The following NOTCH4 variants were observed in gnomAD, a reference collection of about 807,000 sequenced individuals.
The protein encoded by NOTCH4 is notch receptor 4.
NOTCH4 carries 138 observed loss-of-function variants against 189.0 expected under a neutral mutation model. That is an observed-to-expected ratio of 0.73 (90% CI 0.64 to 0.84). The LOEUF (loss-of-function observed/expected upper bound fraction) is 0.84, where lower values mean the gene tolerates loss of function less well. Ranked by LOEUF, NOTCH4 falls within the 40% of genes least tolerant of loss-of-function variation. The pLI, the probability that NOTCH4 is intolerant of heterozygous loss-of-function variation, is 0.00. For missense variants in NOTCH4, 2,286 were observed against 2,605.4 expected (o/e 0.88, Z 2.67); for synonymous variants, 942 against 1,032.8 (o/e 0.91, Z 1.69).
Position 32,195,941 on chromosome 6 carries a change from C to G in NOTCH4, c.5508G>C (p.Glu1836Asp). The change falls in exon 30 of 30, where the codon GAG becomes GAC. Residue 1836 changes from glutamate to aspartate, a missense_variant. This residue lies in a region of NOTCH4 where 383 missense variants were observed against 343.5 expected (regional missense o/e 1.11). Coordinates refer to ENST00000375023, the MANE Select transcript of NOTCH4 (RefSeq NM_004557.4). This position sits in a 1 kb window ranked among gnomAD's most constrained non-coding sequence, Gnocchi z 5.4. Reference sequence around the variant, plus strand: ...TCCGTGCGCGCGGGAAGGGCCCAGCCTCGCGGCCCGGCGTGGCTTTGTGAC... The same window carrying G: ...TCCGTGCGCGCGGGAAGGGCCCAGCGTCGCGGCCCGGCGTGGCTTTGTGAC... ...EARHKATPGR[E>D]AGPFPRARTV... The G allele has an allele frequency of 6.3e-7, 1 of 1,591,306 alleles. No individual in the cohort carries two copies. The highest frequency in any genetic ancestry group is 8.5e-7 in the Non-Finnish European group (1 of 1,175,972).
At chr6:32,206,897 C>T (rs1309146904) in intron 18 of NOTCH4, among the ~76,000 whole-genome samples, 2 of 151,680 alleles carry the variant, frequency 1.3e-5, no homozygotes, top group Non-Finnish European at 2.9e-5. Flanking sequence ...CAAGTCCAAA[C>T]ATTTAACAGC....
Position 32,195,356 on chromosome 6 carries a change from C to T in NOTCH4, c.*81G>A, listed in dbSNP as rs933402448. The stretch of plus-strand genomic sequence containing the variant: ...CTCACAACCCTTCATTTTGGGGGAT[C>T]CATCTTAAAACCAGGAAGGCCTTCC... On this transcript the variant is annotated 3_prime_UTR_variant, in exon 30 of 30. Coordinates refer to ENST00000375023, the MANE Select transcript of NOTCH4 (RefSeq NM_004557.4). The surrounding 1 kb of genome is among the most constrained non-coding windows in gnomAD (Gnocchi z 5.4). 3.1e-5 allele frequency: 41 copies of T among 1,331,064 alleles called. No individual in the cohort carries two copies. Among genetic ancestry groups the T allele is most frequent in the South Asian group, 2.4e-4 (17 of 70,816 alleles). The allele number at this position is 1,331,064 out of a possible 1,614,324, so 82.5% of individuals were successfully genotyped here. A position where few individuals can be genotyped will look rare whatever the true frequency, so the allele number is the denominator to read the frequency against.
intron 18 of NOTCH4, among the ~76,000 whole-genome samples, chr6:32,207,852 A>G (rs1443538768): frequency 6.6e-6 from 1 of 151,684 alleles, no homozygotes; most frequent in Non-Finnish European, 1.5e-5. Flanking sequence ...AAATACAAAA[A>G]AATAGCTGGG....
chr6:32,210,885 C>T lies in NOTCH4; in HGVS notation c.2732G>A (p.Gly911Asp). 6.2e-7 allele frequency: 1 copy of T among 1,611,842 alleles called. No homozygotes were observed. Among genetic ancestry groups the T allele is most frequent in the Non-Finnish European group, 8.5e-7 (1 of 1,179,362 alleles). Residue 911 changes from glycine to aspartate, a missense_variant, in exon 18 of 30, where the codon GGC becomes GAC. This residue lies in a region of NOTCH4 where 1,903 missense variants were observed against 2,261.9 expected (regional missense o/e 0.84). Transcript: ENST00000375023. This position sits in a 1 kb window ranked among gnomAD's most constrained non-coding sequence, Gnocchi z 4.8. ...GGGGCAGTGGCAGAAATAGGAGGGGCCGCTGTCGACACAGAGGCCTCCATT... is the reference window on the plus strand; with the variant it reads ...GGGGCAGTGGCAGAAATAGGAGGGGTCGCTGTCGACACAGAGGCCTCCATT... ...CHNGGLCVDS[G>D]PSYFCHCPPG...
chr6:32,202,058 A>C lies in NOTCH4; in HGVS notation c.3755+18T>G. On this transcript the variant is annotated intron_variant, in intron 21 of 29. Transcript: ENST00000375023. The surrounding 1 kb of genome is among the most constrained non-coding windows in gnomAD (Gnocchi z 5.7). ...CCCACCCCTCTCCTTCCCTGGCTCC[A>C]GTGGATTTCAGGCTCACGTGCAGGC... 1 of 1,419,034 alleles carries C rather than the reference A, an allele frequency of 7.0e-7. No individual in the cohort carries two copies. The highest frequency in any genetic ancestry group is 9.3e-7 in the Non-Finnish European group (1 of 1,076,560). 87.9% of individuals were successfully genotyped at this position (1,419,034 alleles called of 1,614,324 possible).
rs1789731964 is a variant in NOTCH4 at position 32,220,970 on chromosome 6, G to T, written c.799+8C>A. The T allele has an allele frequency of 1.9e-6, 3 of 1,596,640 alleles. No homozygotes were observed. Among genetic ancestry groups the T allele is most frequent in the Admixed American group, 1.7e-5 (1 of 58,680 alleles). ...AGGGGCGGCCGGAGAGCCCCTGTGA[G>T]GACACACCTGGGGGACAGAGGCAGA... On this transcript the variant is annotated splice_region_variant and intron_variant, in intron 4 of 29. Transcript: ENST00000375023.
intron 14 of NOTCH4, 87 bp downstream of exon 14, chr6:32,213,601 A>C (rs1789169545): frequency 1.3e-6 from 2 of 1,486,840 alleles, no homozygotes; most frequent in Admixed American, 4.2e-5. Context: ...TGTTCAATTA[A>C]ATTTTAAAAA....
chr6:32,211,097 A>G (rs1788988107), intron 17 of NOTCH4, among the ~76,000 whole-genome samples, 161 bp from the exon 18 acceptor site: 1 of 151,940 alleles, frequency 6.6e-6, no homozygotes, highest in Non-Finnish European at 1.5e-5. Flanking sequence ...CGTCTCTACT[A>G]AAAATACAAA....
chr6:32,217,953 G>A lies in NOTCH4; in HGVS notation c.1624+42C>T. The stretch of plus-strand genomic sequence containing the variant: ...TGAGCCTGAACTCTGCAGGTTCAGA[G>A]GCCTGGGGTCTGAGGGTGGCCAGAG... On this transcript the variant is annotated intron_variant, in intron 9 of 29. Transcript: ENST00000375023. This position sits in a 1 kb window ranked among gnomAD's most constrained non-coding sequence, Gnocchi z 4.2. 1 of 1,328,708 alleles carries A rather than the reference G, an allele frequency of 7.5e-7. No individual in the cohort carries two copies. The highest frequency in any genetic ancestry group is 1.1e-6 in the Non-Finnish European group (1 of 925,094). The allele number at this position is 1,328,708 out of a possible 1,614,324, so 82.3% of individuals were successfully genotyped here.
intron 18 of NOTCH4, among the ~76,000 whole-genome samples, chr6:32,209,563 C>T (rs1237428426): frequency 6.6e-6 from 1 of 152,136 alleles, no homozygotes; most frequent in African/African-American, 2.4e-5. Context: ...CTGATTTGAT[C>T]ATGATACATT....
chr6:32,222,963 C>T (rs563858930), intron 2 of NOTCH4, 42 bp downstream of exon 2: 2 of 1,579,520 alleles, frequency 1.3e-6, no homozygotes, highest in African/African-American at 1.3e-5. Flanking sequence ...GCTCTCCCTC[C>T]CCCTTTCTCT....
chr6:32,196,833 A>C, intron 28 of NOTCH4, 92 bp downstream of exon 28: 1 of 1,445,296 alleles, frequency 6.9e-7, no homozygotes, highest in Non-Finnish European at 9.6e-7. Flanking sequence ...ATGAGAGGGA[A>C]TGCCCCTCTG....
rs1788205768 is a variant in NOTCH4, at chr6:32,199,538, A to G, written c.4316-393T>C. ...GCTAACATGGTGAAACCCTGTCTCTACTAAAAATACAAAAAATTAGCCAGG... is the reference window on the plus strand; with the variant it reads ...GCTAACATGGTGAAACCCTGTCTCTGCTAAAAATACAAAAAATTAGCCAGG... On this transcript the variant is annotated intron_variant, in intron 23 of 29. Coordinates refer to ENST00000375023, the MANE Select transcript of NOTCH4 (RefSeq NM_004557.4). This position sits in a 1 kb window ranked among gnomAD's most constrained non-coding sequence, Gnocchi z 4.9. 6.6e-6 allele frequency among the ~76,000 whole-genome samples: 1 copy of G among 152,178 alleles called. No individual in the cohort carries two copies. The highest frequency in any genetic ancestry group is 6.5e-5 in the Admixed American group (1 of 15,292).
At chr6:32,223,698 G>T (rs1448448209) in intron 1 of NOTCH4, among the ~76,000 whole-genome samples, 158 bp downstream of exon 1, 1 of 152,068 alleles carries the variant, frequency 6.6e-6, no homozygotes, top group Non-Finnish European at 1.5e-5. Context: ...TCCATGGGCA[G>T]AGCCGTCTTT....
At chr6:32,203,929 G>T in intron 19 of NOTCH4, 47 bp from the exon 20 acceptor site, 1 of 1,502,406 alleles carries the variant, frequency 6.7e-7, no homozygotes, top group Non-Finnish European at 9.1e-7. Context: ...ATCAGTCACT[G>T]CCTCCATCCT....
rs1278493909 is a variant in NOTCH4 at position 32,210,316 on chromosome 6, GAGGC to G, written c.2865+432_2865+435del. On this transcript the variant is annotated intron_variant, in intron 18 of 29. Coordinates refer to ENST00000375023, the MANE Select transcript of NOTCH4 (RefSeq NM_004557.4). The surrounding 1 kb of genome is among the most constrained non-coding windows in gnomAD (Gnocchi z 4.8). ...TGGGATGGGGAGAGCTGAGGCCTGA[GAGGC>G]AGGCAGGGCTGGGTCATGCAGGCCT... Among the ~76,000 whole-genome samples, 1 of 152,204 alleles carries G rather than the reference GAGGC, an allele frequency of 6.6e-6. No homozygotes were observed. Among genetic ancestry groups the G allele is most frequent in the Non-Finnish European group, 1.5e-5 (1 of 68,040 alleles).
chr6:32,200,906 C>T lies in NOTCH4; in HGVS notation c.4240G>A (p.Ala1414Thr), dbSNP rs767518997. The change falls in exon 23 of 30, where the codon GCG becomes ACG. Residue 1414 changes from alanine (A) to threonine (T), a missense_variant. This residue lies in a region of NOTCH4 where 1,903 missense variants were observed against 2,261.9 expected (regional missense o/e 0.84). Coordinates refer to ENST00000375023, the MANE Select transcript of NOTCH4 (RefSeq NM_004557.4). The surrounding 1 kb of genome is among the most constrained non-coding windows in gnomAD (Gnocchi z 5.0). ...DPGLLLRFLA[A>T]MAAVGALEPL... is the part of the protein sequence containing the mutation. ...TCCAGGGCTCCCACTGCAGCCATCG[C>T]AGCAAGGAAGCGGAGTAGAAGCCCA... 3.1e-6 allele frequency: 5 copies of T among 1,609,202 alleles called. No homozygotes were observed. The highest frequency in any genetic ancestry group is 4.2e-6 in the Non-Finnish European group (5 of 1,178,292).
In NOTCH4 at chr6:32,213,784, CG is replaced by C. The variant is rs761338961; in HGVS notation, c.2223del (p.Gly742AlafsTer42). On this transcript the variant is annotated frameshift_variant, in exon 14 of 30. Transcript: ENST00000375023. LOFTEE classifies it high-confidence loss of function. Reference sequence around the variant, plus strand: ...CCTCCAGGGCTAGGGTTGCAGGAGCCGCCATTGAGACATGGCCCTGAGTGAC... The same window carrying C: ...CCTCCAGGGCTAGGGTTGCAGGAGCCCCATTGAGACATGGCCCTGAGTGAC... ...TACHSGPCLN[G>X]GSCNPSPGGY... The C allele has an allele frequency of 2.5e-6, 4 of 1,612,174 alleles. No homozygotes were observed. Among genetic ancestry groups the C allele is most frequent in the Non-Finnish European group, 3.4e-6 (4 of 1,179,948 alleles).
rs182348067 is a variant in NOTCH4, at chr6:32,213,079, G to A, written c.2438+56C>T. 2.1e-3 allele frequency: 2,896 copies of A among 1,364,668 alleles called. 93 individuals carry two copies. The Admixed American group carries it at 0.044, about 21-fold the overall frequency. 84.5% of individuals were successfully genotyped at this position (1,364,668 alleles called of 1,614,324 possible). A position where few individuals can be genotyped will look rare whatever the true frequency, so the allele number is the denominator to read the frequency against. ...TGGAACCCAGGGGGAGATGAGAGGA[G>A]GGGTGGGAAGGCTGAGGGGTTTTCT... On this transcript the variant is annotated intron_variant, in intron 15 of 29. Coordinates refer to ENST00000375023, the MANE Select transcript of NOTCH4 (RefSeq NM_004557.4).
Sources: allele counts gnomAD v4.1 joint callset (sites outside exome capture counted in the v4.1 genomes callset), GRCh38; gene constraint gnomAD v4.1.1; regional missense constraint gnomAD v4.1.1; non-coding constraint Gnocchi (gnomAD v3.1); transcripts MANE v1.5; gene names NCBI Gene and HGNC (gene_info 2026-07-23, HGNC 2026-07-21).